PPARGC1A: variants seen among roughly 807,000 people sequenced by gnomAD.
PPARGC1A encodes PPARG coactivator 1 alpha.
Under a neutral mutation model 88.7 loss-of-function variants are expected in PPARGC1A, and 25 were observed. The observed-to-expected ratio is 0.28, with a 90% CI of 0.21 to 0.39. The LOEUF (loss-of-function observed/expected upper bound fraction) is 0.39, where lower values mean the gene tolerates loss of function less well. Among genes scored for constraint, PPARGC1A ranks in the 10% least tolerant of loss-of-function variants. The probability of loss-of-function intolerance (pLI) is 1.00; values close to 1 mark genes in which losing one functional copy is unlikely to be tolerated. For synonymous variants in PPARGC1A, 363 were observed against 355.6 expected, an observed-to-expected ratio of 1.02 and a Z score of -0.24; for missense variants, 880 against 968.7, an observed-to-expected ratio of 0.91 and a Z score of 1.22.
chr4:24,399,123 TC>T, the PPARGC1A span, among the ~76,000 whole-genome samples: 1 of 116,208 alleles, frequency 8.6e-6, no homozygotes, highest in African/African-American at 3.3e-5. Context: ...CTAACCCTGT[TC>T]TCAGCAAATG....
the PPARGC1A span, among the ~76,000 whole-genome samples, chr4:24,343,205 G>A: frequency 6.6e-6 from 1 of 152,156 alleles, no homozygotes; most frequent in South Asian, 2.1e-4. Context: ...TAGTGTCAAT[G>A]ACATGGCAAT....
chr4:24,203,397 G>T, the PPARGC1A span, among the ~76,000 whole-genome samples: 6 of 152,146 alleles, frequency 3.9e-5, no homozygotes, highest in East Asian at 1.2e-3. Context: ...AAATTAACCA[G>T]GTGTGGTGGC....
chr4:24,456,858 G>C, the PPARGC1A span, among the ~76,000 whole-genome samples: 1 of 152,040 alleles, frequency 6.6e-6, no homozygotes, highest in African/African-American at 2.4e-5. Context: ...CCAGAGTGTG[G>C]GCAATGTGAC....
At chr4:24,187,841 T>C in the PPARGC1A span, among the ~76,000 whole-genome samples, 2 of 152,212 alleles carry the variant, frequency 1.3e-5, no homozygotes, top group Non-Finnish European at 2.9e-5. Context: ...CACAAATGTT[T>C]GATAAATGCC....
chr4:23,970,701 T>C, the PPARGC1A span, among the ~76,000 whole-genome samples: 2 of 152,306 alleles, frequency 1.3e-5, no homozygotes, highest in Middle Eastern at 3.4e-3. Context: ...TACAAAATAC[T>C]TTAACTGCAG....
the PPARGC1A span, among the ~76,000 whole-genome samples, chr4:24,396,899 C>A: frequency 1.3e-5 from 2 of 152,162 alleles, no homozygotes; most frequent in African/African-American, 2.4e-5. Context: ...ATGAGGAGAG[C>A]TTTTCATCAC....
At chr4:24,251,472 T>G in the PPARGC1A span, among the ~76,000 whole-genome samples, 3 of 152,236 alleles carry the variant, frequency 2.0e-5, no homozygotes, top group African/African-American at 4.8e-5. Flanking sequence ...TTCGGGGTAC[T>G]CTTTTGCCTC....
chr4:24,015,946 C>T, the PPARGC1A span, among the ~76,000 whole-genome samples: 1 of 152,124 alleles, frequency 6.6e-6, no homozygotes, highest in Non-Finnish European at 1.5e-5. Context: ...CATGGAGAAT[C>T]CCAACAGCAG....
At chr4:23,981,420 G>A in the PPARGC1A span, among the ~76,000 whole-genome samples, 2 of 152,138 alleles carry the variant, frequency 1.3e-5, no homozygotes, top group Non-Finnish European at 2.9e-5. Flanking sequence ...CCAAGGAAAT[G>A]TTCCAAGGAT....
chr4:24,466,621 T>C, the PPARGC1A span, among the ~76,000 whole-genome samples: 1 of 152,190 alleles, frequency 6.6e-6, no homozygotes, highest in African/African-American at 2.4e-5. Flanking sequence ...TGTTAGTCAT[T>C]GTCACTGCTC....
At chr4:24,196,591 TC>T in the PPARGC1A span, among the ~76,000 whole-genome samples, 7 of 152,178 alleles carry the variant, frequency 4.6e-5, no homozygotes, top group Non-Finnish European at 1.0e-4. Flanking sequence ...AGCCAGGCTG[TC>T]CCTGGAACAG....
chr4:24,356,690 C>G, the PPARGC1A span, among the ~76,000 whole-genome samples: 1 of 152,200 alleles, frequency 6.6e-6, no homozygotes, highest in South Asian at 2.1e-4. Context: ...ATACCATCCT[C>G]TTTTATCACA....
At chr4:24,123,570 TA>T in the PPARGC1A span, among the ~76,000 whole-genome samples, 6 of 151,732 alleles carry the variant, frequency 4.0e-5, no homozygotes, top group Non-Finnish European at 8.8e-5. Context: ...GGACTGAGGT[TA>T]AAAAAAAGGA....
the PPARGC1A span, among the ~76,000 whole-genome samples, chr4:23,957,800 T>G: frequency 1.3e-5 from 2 of 152,106 alleles, no homozygotes; most frequent in South Asian, 2.1e-4. Context: ...GCATAGTTAT[T>G]TATAGGTGAT....
At chr4:24,171,284 T>C in the PPARGC1A span, among the ~76,000 whole-genome samples, 1 of 152,042 alleles carries the variant, frequency 6.6e-6, no homozygotes, top group Non-Finnish European at 1.5e-5. Flanking sequence ...TGCGTACCTG[T>C]ACTCCCAGCT....
chr4:23,876,290 T>C (rs982485500), intron 2 of PPARGC1A, among the ~76,000 whole-genome samples: 3 of 152,234 alleles, frequency 2.0e-5, no homozygotes, highest in Non-Finnish European at 1.5e-5. Flanking sequence ...CTGATCCTAT[T>C]ATAGTGCTGG....
the PPARGC1A span, among the ~76,000 whole-genome samples, chr4:24,382,196 AT>A: frequency 1.9e-3 from 286 of 152,324 alleles, 3 homozygotes; most frequent in African/African-American, 6.4e-3. Flanking sequence ...AATTGTAGAC[AT>A]TAACTTAATG....
At chr4:24,457,809 C>T in the PPARGC1A span, among the ~76,000 whole-genome samples, 162 of 152,162 alleles carry the variant, frequency 1.1e-3, 1 homozygote, top group Non-Finnish European at 2.0e-3. Context: ...GTGATCCACC[C>T]GCCTTGGCCT....
At chr4:24,276,740 A>C in the PPARGC1A span, among the ~76,000 whole-genome samples, 1 of 152,236 alleles carries the variant, frequency 6.6e-6, no homozygotes, top group Non-Finnish European at 1.5e-5. Flanking sequence ...AAATAGCTTA[A>C]GTCCTCTTAT....
Sources: allele counts gnomAD v4.1 joint callset (sites outside exome capture counted in the v4.1 genomes callset), GRCh38; gene constraint gnomAD v4.1.1; transcripts MANE v1.5; gene names NCBI Gene and HGNC (gene_info 2026-07-23, HGNC 2026-07-21).